STYXL1: variants seen among roughly 807,000 people sequenced by gnomAD.
STYXL1 encodes the protein serine/threonine/tyrosine-interacting-like protein 1.
Under a neutral mutation model 36.4 loss-of-function variants are expected in STYXL1, and 32 were observed. The ratio of observed to expected loss-of-function variants is 0.88; its 90% CI spans 0.66 to 1.18. STYXL1 has a LOEUF of 1.18. Ranked by LOEUF, STYXL1 falls within the 50% of genes most tolerant of loss-of-function variation. The pLI is 0.00. For synonymous variants in STYXL1, 133 were observed against 144.1 expected (o/e 0.92, Z 0.55); for missense variants, 354 against 394.1 (o/e 0.90, Z 0.86).
intron 3 of STYXL1, 64 bp downstream of exon 3, chr7:76,028,578 C>T (rs1554578364): frequency 2.3e-5 from 35 of 1,491,160 alleles, no homozygotes; most frequent in Non-Finnish European, 2.9e-5. Flanking sequence ...GTGAAACTTC[C>T]CACTCTTCCC....
At chr7:76,026,163 G>T (rs1203920598) in intron 3 of STYXL1, among the ~76,000 whole-genome samples, 1 of 107,016 alleles carries the variant, frequency 9.3e-6, no homozygotes. Flanking sequence ...CTGCACTCCA[G>T]CCTGGAGGAC....
chr7:76,033,144 CTTTTA>C (rs1166119216), intron 1 of STYXL1, among the ~76,000 whole-genome samples: 4 of 151,984 alleles, frequency 2.6e-5, no homozygotes, highest in East Asian at 1.9e-4. Flanking sequence ...TGTAGGAAGG[CTTTTA>C]TTTTATTTAT....
At chr7:76,042,700 G>A (rs528928589) in intron 1 of STYXL1, among the ~76,000 whole-genome samples, 1 of 152,018 alleles carries the variant, frequency 6.6e-6, no homozygotes, top group South Asian at 2.1e-4. Context: ...AGCCACTGCA[G>A]CCGGCCCTTA....
intron 8 of STYXL1, 63 bp downstream of exon 8, chr7:76,000,827 T>C (rs1790804196): frequency 6.9e-7 from 1 of 1,454,958 alleles, no homozygotes; most frequent in African/African-American, 1.4e-5. Context: ...CCTCCCAGGT[T>C]GCGCTCTGAC....
chr7:76,035,171 C>G (rs1795799644), intron 1 of STYXL1, among the ~76,000 whole-genome samples: 1 of 137,046 alleles, frequency 7.3e-6, no homozygotes, highest in Admixed American at 7.2e-5. Context: ...CCATCCACTT[C>G]TCTCCATCTC....
In STYXL1 at chr7:76,032,862, G is replaced by A. The variant is rs141984893; in HGVS notation, c.-4-2335C>T. On this transcript the variant is annotated intron_variant, in intron 1 of 8. Transcript: ENST00000359697. ...CAAGAGGAAGAGGGAGGGGGAGAGA[G>A]GACGAAACAAAGGATAAGAACATTC... 8.3e-3 allele frequency among the ~76,000 whole-genome samples: 1,260 copies of A among 152,216 alleles called. 12 individuals carry two copies. The highest frequency in any genetic ancestry group is 9.4e-3 in the Non-Finnish European group (636 of 68,010).
At chr7:76,022,092 C>T (rs1264520878) in intron 3 of STYXL1, 100 bp from the exon 4 acceptor site, 7 of 1,522,306 alleles carry the variant, frequency 4.6e-6, no homozygotes, top group Non-Finnish European at 6.1e-6. Flanking sequence ...GAGCTAAGAC[C>T]GCACTCTCTC....
chr7:76,025,566 G>C (rs549830991), intron 3 of STYXL1, among the ~76,000 whole-genome samples: 1 of 152,142 alleles, frequency 6.6e-6, no homozygotes, highest in South Asian at 2.1e-4. Flanking sequence ...AAGGCGGGTG[G>C]ATCACCTGAG....
rs144997212 is a variant in STYXL1 at position 76,015,533 on chromosome 7, A to T, written c.308-1646T>A. ...AAATTGACAAGTGGGACCTAAGGAC[A>T]CGAAAGTGCTTCTGCACAGCAAGAA... On this transcript the variant is annotated intron_variant, in intron 4 of 8. Transcript: ENST00000359697. Among the ~76,000 whole-genome samples the T allele has an allele frequency of 2.8e-3, 428 of 152,336 alleles. 5 individuals carry two copies. Among genetic ancestry groups the T allele is most frequent in the African/African-American group, 9.7e-3 (405 of 41,590 alleles).
intron 1 of STYXL1, among the ~76,000 whole-genome samples, chr7:76,031,070 A>C (rs187993374): frequency 5.1e-4 from 78 of 151,940 alleles, no homozygotes; most frequent in African/African-American, 1.8e-3. Context: ...CTGAGGTAGG[A>C]GAGTCGCTTG....
rs568271135 is a variant in STYXL1 at position 76,009,410 on chromosome 7, TTTC to T, written c.454-4009_454-4007del. Among the ~76,000 whole-genome samples the T allele has an allele frequency of 7.9e-5, 12 of 152,118 alleles. No homozygotes were observed. In the South Asian group the frequency reaches 2.1e-3, roughly 26 times the overall value. On this transcript the variant is annotated intron_variant, in intron 5 of 8. Coordinates refer to ENST00000359697, the MANE Select transcript of STYXL1 (RefSeq NM_001317785.2). ...ATCGGTGCTACCTCCTAAATCTTTCTTTCTTCTTTTTTCTTTTTTGAGATGGAG... is the reference window on the plus strand; with the variant it reads ...ATCGGTGCTACCTCCTAAATCTTTCTTTCTTTTTTCTTTTTTGAGATGGAG...
chr7:76,000,218 CAA>C (rs35153306), intron 8 of STYXL1, among the ~76,000 whole-genome samples: 19 of 69,454 alleles, frequency 2.7e-4, no homozygotes, highest in African/African-American at 9.4e-4. Context: ...GACTCCATCT[CAA>C]AAAAAAAAAA....
chr7:76,032,664 T>G (rs1554579721), intron 1 of STYXL1, among the ~76,000 whole-genome samples: 1 of 152,150 alleles, frequency 6.6e-6, no homozygotes, highest in African/African-American at 2.4e-5. Context: ...ACTGCACTAC[T>G]GCACTCCAGC....
intron 1 of STYXL1, among the ~76,000 whole-genome samples, chr7:76,035,687 G>A (rs1019720136): frequency 6.0e-5 from 9 of 149,668 alleles, no homozygotes; most frequent in African/African-American, 2.0e-4. Context: ...TGGGCTTTGT[G>A]TCTAGTCCTA....
At chr7:76,033,014 G>A (rs1325939862) in intron 1 of STYXL1, among the ~76,000 whole-genome samples, 2 of 152,190 alleles carry the variant, frequency 1.3e-5, no homozygotes, top group Non-Finnish European at 2.9e-5. Context: ...TCATTGTTGG[G>A]TGGAGAATCA....
intron 1 of STYXL1, among the ~76,000 whole-genome samples, chr7:76,039,614 C>A (rs1270605511): frequency 6.6e-6 from 1 of 152,088 alleles, no homozygotes; most frequent in Non-Finnish European, 1.5e-5. Flanking sequence ...GCCATCATAA[C>A]CTCCTAACTT....
chr7:76,027,775 G>A (rs1208930529), intron 3 of STYXL1, among the ~76,000 whole-genome samples: 1 of 152,094 alleles, frequency 6.6e-6, no homozygotes, highest in Non-Finnish European at 1.5e-5. Flanking sequence ...TGTATCCCCA[G>A]GGTCTGGAAC....
chr7:76,028,074 G>A (rs1794919534), intron 3 of STYXL1, among the ~76,000 whole-genome samples: 1 of 152,098 alleles, frequency 6.6e-6, no homozygotes, highest in South Asian at 2.1e-4. Context: ...TCACTCTGTT[G>A]CCCAGGCTAG....
chr7:76,026,119 G>A (rs1464077132), intron 3 of STYXL1, among the ~76,000 whole-genome samples: 6 of 137,654 alleles, frequency 4.4e-5, no homozygotes, highest in African/African-American at 1.4e-4. Context: ...GTTAACCCGG[G>A]AGGTGGAGCG....
Sources: allele counts gnomAD v4.1 joint callset (sites outside exome capture counted in the v4.1 genomes callset), GRCh38; gene constraint gnomAD v4.1.1; transcripts MANE v1.5; gene names NCBI Gene and HGNC (gene_info 2026-07-23, HGNC 2026-07-21).